The following DNAH17 variants were observed in gnomAD, a reference collection of about 807,000 sequenced individuals.
DNAH17 encodes axonemal beta dynein heavy chain 17.
Under a neutral mutation model 485.6 loss-of-function variants are expected in DNAH17, and 376 were observed. The ratio of observed to expected loss-of-function variants is 0.77; its 90% CI spans 0.71 to 0.84. The LOEUF (loss-of-function observed/expected upper bound fraction) is 0.84, where lower values mean the gene tolerates loss of function less well. Among genes scored for constraint, DNAH17 ranks in the 40% least tolerant of loss-of-function variants. The probability of loss-of-function intolerance (pLI) is 0.00; values close to 1 mark genes in which losing one functional copy is unlikely to be tolerated. For missense variants in DNAH17, 6,370 were observed against 5,839.3 expected (o/e 1.09, Z -2.96); for synonymous variants, 3,031 against 2,405.9 (o/e 1.26, Z -7.60).
At chr17:78,431,244 TTC>T (rs1248974400) in intron 75 of DNAH17, among the ~76,000 whole-genome samples, 2 of 152,228 alleles carry the variant, frequency 1.3e-5, no homozygotes, top group South Asian at 2.1e-4. Context: ...ACTTACAACC[TTC>T]TCTGTCTGGT....
rs2146487414 is a variant in DNAH17, at chr17:78,449,290, A to C, written c.11211+124T>G. On this transcript the variant is annotated intron_variant, in intron 69 of 80. Transcript: ENST00000389840. ...ATAATCACCTGGGTATATTGCTAAA[A>C]TGCGGGTTTGAAATCACCAGGTTTG... 9 of 988,314 alleles carry C rather than the reference A, an allele frequency of 9.1e-6. No individual in the cohort carries two copies. In the South Asian group the frequency reaches 1.5e-4, roughly 16 times the overall value. The allele number at this position is 988,314 out of a possible 1,614,324, so 61.2% of individuals were successfully genotyped here. A position where few individuals can be genotyped will look rare whatever the true frequency, so the allele number is the denominator to read the frequency against.
In DNAH17 at chr17:78,532,487, C is replaced by T. The variant is rs182157119; in HGVS notation, c.3109G>A (p.Glu1037Lys). The change falls in exon 20 of 81, where the codon GAG becomes AAG. Residue 1037 changes from glutamate (E) to lysine (K), a missense_variant. Glu to Lys is a moderately conservative substitution (Grantham distance 56, BLOSUM62 1). Transcript: ENST00000389840. Reference sequence around the variant, plus strand: ...TGGGTGAGGTCTGCACGCACCTGCTCCTGGAACTGAGCCAGGGTGGGCGGT... The same window carrying T: ...TGGGTGAGGTCTGCACGCACCTGCTTCTGGAACTGAGCCAGGGTGGGCGGT... The part of the protein sequence containing the change: ...KTPPTLAQFQ[E>K]QIDSYEKLYE... 1 of 1,609,814 alleles carries T rather than the reference C, an allele frequency of 6.2e-7. No individual in the cohort carries two copies. The highest frequency in any genetic ancestry group is 2.2e-5 in the East Asian group (1 of 44,838).
intron 11 of DNAH17, among the ~76,000 whole-genome samples, chr17:78,563,097 T>A (rs1441853826): frequency 6.6e-6 from 1 of 151,978 alleles, no homozygotes; most frequent in African/African-American, 2.4e-5. Flanking sequence ...GAGAGGGAGA[T>A]TTTTCAGGCC....
intron 25 of DNAH17, chr17:78,522,463 G>A (rs2090957854): frequency 3.1e-6 from 1 of 322,714 alleles, no homozygotes; most frequent in Non-Finnish European, 6.2e-6. Context: ...TGGAGGCACT[G>A]GCAACATCAA....
Position 78,535,049 on chromosome 17 carries a change from C to T in DNAH17, c.2859+2250G>A, listed in dbSNP as rs954293198. Among the ~76,000 whole-genome samples the T allele has an allele frequency of 3.9e-5, 6 of 152,136 alleles. No homozygotes were observed. In the East Asian group the frequency reaches 9.6e-4, roughly 24 times the overall value. ...CTAGACCAGCAGGCTTTCGAGGGAC[C>T]CTTCTCCTGGGCAACAGGCCCTTCA... On this transcript the variant is annotated intron_variant, in intron 19 of 80. Transcript: ENST00000389840.
At chr17:78,509,761 G>GT (rs1287215273) in intron 27 of DNAH17, among the ~76,000 whole-genome samples, 2 of 152,116 alleles carry the variant, frequency 1.3e-5, no homozygotes, top group African/African-American at 4.8e-5. Flanking sequence ...GGAGGAGTCA[G>GT]ACGGGACCAC....
intron 80 of DNAH17, 186 bp from the exon 81 acceptor site, chr17:78,424,339 A>G (rs1002385687): frequency 7.7e-6 from 5 of 651,776 alleles, no homozygotes; most frequent in African/African-American, 5.5e-5. Flanking sequence ...TGTTGTAACT[A>G]CCCCGTCCCG....
chr17:78,533,127 T>G (rs1347056704), intron 19 of DNAH17: 5 of 205,750 alleles, frequency 2.4e-5, no homozygotes, highest in Non-Finnish European at 9.8e-6. Context: ...GTATGCCAAG[T>G]GTGACGTTTG....
intron 11 of DNAH17, among the ~76,000 whole-genome samples, chr17:78,562,385 A>G (rs2092175813): frequency 6.6e-6 from 1 of 152,020 alleles, no homozygotes; most frequent in Admixed American, 6.6e-5. Context: ...GGAGTTTGAG[A>G]CCAGCCTGGG....
Position 78,489,504 on chromosome 17 carries a change from A to G in DNAH17, c.6818+1195T>C, listed in dbSNP as rs584253. 0.49 allele frequency: 74,076 copies of G among 151,900 alleles called. 18,579 individuals carry two copies. Among genetic ancestry groups the G allele is most frequent in the African/African-American group, 0.56 (23,367 of 41,396 alleles). 9.4% of individuals were successfully genotyped at this position (151,900 alleles called of 1,614,324 possible). A position where few individuals can be genotyped will look rare whatever the true frequency, so the allele number is the denominator to read the frequency against. On this transcript the variant is annotated intron_variant, in intron 44 of 80. Coordinates refer to ENST00000389840, the MANE Select transcript of DNAH17 (RefSeq NM_173628.4). ...AAGCTGTTCTCCCTGAGTGATGGAGATGCGCCTAGCTCCCAAATGCAATGG... is the reference window on the plus strand; with the variant it reads ...AAGCTGTTCTCCCTGAGTGATGGAGGTGCGCCTAGCTCCCAAATGCAATGG...
chr17:78,523,273 G>A (rs1598637040), intron 25 of DNAH17, among the ~76,000 whole-genome samples: 2 of 151,920 alleles, frequency 1.3e-5, no homozygotes, highest in South Asian at 4.2e-4. Flanking sequence ...ACAGGCACCT[G>A]CCACCATGCC....
At chr17:78,535,531 C>T (rs2091351643) in intron 19 of DNAH17, among the ~76,000 whole-genome samples, 1 of 152,172 alleles carries the variant, frequency 6.6e-6, no homozygotes, top group African/African-American at 2.4e-5. Flanking sequence ...CAAGCACACG[C>T]GTACACACAC....
intron 74 of DNAH17, among the ~76,000 whole-genome samples, chr17:78,434,532 T>A (rs2086796681): frequency 6.6e-6 from 1 of 152,140 alleles, no homozygotes. Flanking sequence ...CGGGACTACT[T>A]TAATACGAAA....
Position 78,571,744 on chromosome 17 carries a change from A to G in DNAH17, c.578T>C (p.Ile193Thr). 6.2e-7 allele frequency: 1 copy of G among 1,609,120 alleles called. No homozygotes were observed. Among genetic ancestry groups the G allele is most frequent in the South Asian group, 1.1e-5 (1 of 90,276 alleles). The stretch of plus-strand genomic sequence containing the variant: ...GGACCAGTCGATGATGGTGGTTTCA[A>G]TGGCGTGCAGGAGCAAGTTGTCCAG... ...SSLDNLLLHAIETTIIDWSHQ... is the reference protein window; with the variant it reads ...SSLDNLLLHATETTIIDWSHQ... Residue 193 changes from isoleucine (I) to threonine (T), a missense_variant, in exon 4 of 81, where the codon ATT becomes ACT. Transcript: ENST00000389840.
intron 11 of DNAH17, among the ~76,000 whole-genome samples, chr17:78,563,045 T>C (rs2092191106): frequency 1.3e-5 from 2 of 152,194 alleles, no homozygotes; most frequent in Non-Finnish European, 1.5e-5. Context: ...CCACTGTCCC[T>C]AGAAATGGCC....
rs565786269 is a variant in DNAH17 at position 78,526,025 on chromosome 17, G to A, written c.3711+626C>T. Among the ~76,000 whole-genome samples, 3 of 152,364 alleles carry A rather than the reference G, an allele frequency of 2.0e-5. No homozygotes were observed. The South Asian group carries it at 6.2e-4, about 32-fold the overall frequency. ...TGGGCACCGTACTGGGAGCAAAGAG[G>A]AACTGACAAGGGCCCCACTGGGCCC... On this transcript the variant is annotated intron_variant, in intron 24 of 80. Coordinates refer to ENST00000389840, the MANE Select transcript of DNAH17 (RefSeq NM_173628.4).
intron 56 of DNAH17, among the ~76,000 whole-genome samples, chr17:78,463,337 T>C (rs1006765603): frequency 2.0e-5 from 3 of 152,222 alleles, no homozygotes; most frequent in African/African-American, 7.2e-5. Context: ...GACGCATACA[T>C]GCACACACAT....
intron 56 of DNAH17, among the ~76,000 whole-genome samples, chr17:78,465,387 G>A (rs1245094850): frequency 2.0e-5 from 3 of 150,978 alleles, no homozygotes; most frequent in Non-Finnish European, 4.4e-5. Flanking sequence ...CTGCCTGGCC[G>A]CCCATCATCT....
At chr17:78,543,803 C>T (rs746293384) in intron 17 of DNAH17, 54 bp downstream of exon 17, 2 of 1,612,662 alleles carry the variant, frequency 1.2e-6, no homozygotes, top group Non-Finnish European at 8.5e-7. Flanking sequence ...TTTACTCTCT[C>T]CTCCCTGCTA....
Sources: gnomAD v4.1 joint callset for allele counts (sites outside exome capture counted in the v4.1 genomes callset) on GRCh38, gnomAD v4.1.1 for gene constraint, MANE v1.5 for transcripts, NCBI Gene and HGNC (gene_info 2026-07-23, HGNC 2026-07-21) for gene names.